The following SAMMSON variants were observed in gnomAD, a reference collection of about 807,000 sequenced individuals.
SAMMSON encodes long intergenic non-protein coding RNA 1212.
At chr3:70,027,182 T>C (rs2067044320) in intron 3 of SAMMSON, among the ~76,000 whole-genome samples, 1 of 152,188 alleles carries the variant, frequency 6.6e-6, no homozygotes, top group African/African-American at 2.4e-5. Flanking sequence ...AATATTTGTG[T>C]CCTATTTAGA....
intron 4 of SAMMSON, among the ~76,000 whole-genome samples, chr3:70,100,575 T>C (rs148248441): frequency 6.6e-6 from 1 of 150,500 alleles, no homozygotes; most frequent in African/African-American, 2.5e-5. Context: ...AAAAAACTCA[T>C]AGAAATTTTT....
intron 6 of SAMMSON, among the ~76,000 whole-genome samples, chr3:70,281,791 A>T (rs1450328419): frequency 6.6e-6 from 1 of 152,166 alleles, no homozygotes; most frequent in Non-Finnish European, 1.5e-5. Context: ...GCAGTTCAAA[A>T]TTCTTGCACA....
At chr3:70,205,978 A>G (rs1019918387) in intron 4 of SAMMSON, 7 of 151,976 alleles carry the variant, frequency 4.6e-5, no homozygotes, top group African/African-American at 1.7e-4. Flanking sequence ...TTTAGCACCA[A>G]AACAATTTGA....
chr3:70,005,672 G>A (rs1436670589), intron 1 of SAMMSON, among the ~76,000 whole-genome samples: 2 of 152,186 alleles, frequency 1.3e-5, no homozygotes, highest in Admixed American at 1.3e-4. Flanking sequence ...GGAATGACAT[G>A]CAGGTACAGG....
chr3:70,382,593 G>A (rs1238160498), intron 9 of SAMMSON, among the ~76,000 whole-genome samples: 1 of 151,282 alleles, frequency 6.6e-6, no homozygotes, highest in Non-Finnish European at 1.5e-5. Context: ...TCCCTGGATG[G>A]CTCTTTCAAA....
chr3:70,185,807 C>CAAAA (rs34529551), intron 4 of SAMMSON, among the ~76,000 whole-genome samples: 2 of 102,946 alleles, frequency 1.9e-5, no homozygotes, highest in Admixed American at 1.1e-4. Flanking sequence ...CCCGCCTCTA[C>CAAAA]AAAAAAAAAA....
intron 6 of SAMMSON, among the ~76,000 whole-genome samples, chr3:70,269,739 A>G (rs950206377): frequency 1.3e-5 from 2 of 152,234 alleles, no homozygotes; most frequent in Non-Finnish European, 2.9e-5. Flanking sequence ...GTTTTAAAAA[A>G]TGCCTAGTCT....
intron 2 of SAMMSON, among the ~76,000 whole-genome samples, chr3:70,423,117 T>A (rs1701325435): frequency 6.6e-6 from 1 of 151,936 alleles, no homozygotes; most frequent in Admixed American, 6.6e-5. Flanking sequence ...TAAATAGATA[T>A]GTGTACATGA....
At chr3:70,059,517 A>ATCCCCAAAG (rs2067179745) in intron 3 of SAMMSON, among the ~76,000 whole-genome samples, 3 of 152,130 alleles carry the variant, frequency 2.0e-5, no homozygotes, top group African/African-American at 7.2e-5. Flanking sequence ...TCTGAGTTCA[A>ATCCCCAAAG]ACACCTGAAA....
chr3:70,254,070 G>A lies in SAMMSON; in HGVS notation n.674+4400G>A, dbSNP rs142947240. Among the ~76,000 whole-genome samples the A allele has an allele frequency of 5.5e-4, 84 of 152,012 alleles. 1 individual carries two copies. The highest frequency in any genetic ancestry group is 3.4e-3 in the Middle Eastern group (1 of 294). Reference sequence around the variant, plus strand: ...GATTCAGATAACAGTTATTTAGTAGGCATATTTATATTTTTAATATTCTTT... The same window carrying A: ...GATTCAGATAACAGTTATTTAGTAGACATATTTATATTTTTAATATTCTTT... On this transcript the variant is annotated intron_variant and non_coding_transcript_variant, in intron 6 of 9. Transcript: ENST00000642114.
chr3:70,258,387 GA>G (rs1701836753), intron 6 of SAMMSON, among the ~76,000 whole-genome samples: 1 of 151,978 alleles, frequency 6.6e-6, no homozygotes, highest in African/African-American at 2.4e-5. Flanking sequence ...TCATTTATTG[GA>G]AAAATAACTT....
intron 4 of SAMMSON, chr3:70,072,778 AACT>A (rs2067235394): frequency 6.6e-6 from 1 of 152,048 alleles, no homozygotes; most frequent in Non-Finnish European, 1.5e-5. Flanking sequence ...TACACATTTA[AACT>A]ACTTAGGTAA....
intron 4 of SAMMSON, among the ~76,000 whole-genome samples, chr3:70,103,862 T>C (rs2067355441): frequency 6.6e-6 from 1 of 152,202 alleles, no homozygotes; most frequent in African/African-American, 2.4e-5. Flanking sequence ...TAAATTGTGA[T>C]AGTTACTAAT....
intron 4 of SAMMSON, among the ~76,000 whole-genome samples, chr3:70,091,782 C>T (rs892323502): frequency 2.0e-5 from 3 of 152,070 alleles, no homozygotes; most frequent in Non-Finnish European, 4.4e-5. Flanking sequence ...CTTCATTTGT[C>T]TAAACTGTAT....
At chr3:70,361,203 T>C (rs539042756) in intron 9 of SAMMSON, among the ~76,000 whole-genome samples, 29 of 152,270 alleles carry the variant, frequency 1.9e-4, no homozygotes, top group African/African-American at 7.0e-4. Flanking sequence ...TGTAGTCTCC[T>C]TGTGAGTCAT....
chr3:70,131,369 G>C (rs2067482003), intron 4 of SAMMSON, among the ~76,000 whole-genome samples: 2 of 152,150 alleles, frequency 1.3e-5, no homozygotes, highest in African/African-American at 4.8e-5. Context: ...AATTTGCTTA[G>C]AAGCAATCCC....
intron 4 of SAMMSON, among the ~76,000 whole-genome samples, chr3:70,158,424 G>T (rs1158349948): frequency 6.6e-6 from 1 of 151,868 alleles, no homozygotes. Flanking sequence ...CTGTTGTATG[G>T]TTATACCACA....
At chr3:70,038,494 T>C (rs2067094736) in intron 3 of SAMMSON, among the ~76,000 whole-genome samples, 1 of 152,104 alleles carries the variant, frequency 6.6e-6, no homozygotes, top group Non-Finnish European at 1.5e-5. Context: ...CATCTTTTCT[T>C]TATAAACTAC....
intron 6 of SAMMSON, among the ~76,000 whole-genome samples, chr3:70,285,757 G>A (rs1230252045): frequency 6.6e-6 from 1 of 151,948 alleles, no homozygotes; most frequent in African/African-American, 2.4e-5. Flanking sequence ...ATTCTAACTG[G>A]TGTGAGATGG....
Sources: gnomAD v4.1 joint callset for allele counts (sites outside exome capture counted in the v4.1 genomes callset) on GRCh38, gnomAD v4.1.1 for gene constraint, MANE v1.5 for transcripts, NCBI Gene and HGNC (gene_info 2026-07-23, HGNC 2026-07-21) for gene names.